GPR39: variants seen among roughly 807,000 people sequenced by gnomAD.
GPR39 encodes the protein G protein-coupled receptor 39.
In GPR39, 23 loss-of-function variants were observed where a neutral mutation model predicts 18.4. The ratio of observed to expected loss-of-function variants is 1.25; its 90% CI spans 0.90 to 1.77. The LOEUF is 1.77. Among genes scored for constraint, GPR39 ranks in the 40% most tolerant of loss-of-function variants. The probability of loss-of-function intolerance (pLI) is 0.00; values close to 1 mark genes in which losing one functional copy is unlikely to be tolerated. For missense variants in GPR39, 647 were observed against 602.4 expected (o/e 1.07, Z -0.78); for synonymous variants, 280 against 257.9 (o/e 1.09, Z -0.82).
chr2:132,434,420 G>A (rs1680275750), intron 1 of GPR39, among the ~76,000 whole-genome samples: 1 of 152,186 alleles, frequency 6.6e-6, no homozygotes, highest in South Asian at 2.1e-4. Context: ...TGTCCTTGAA[G>A]TCAGGAGGTA....
chr2:132,488,849 C>T (rs770407274), intron 1 of GPR39: 78 of 171,000 alleles, frequency 4.6e-4, no homozygotes, highest in Non-Finnish European at 1.0e-4. Context: ...GCTGTCAGCA[C>T]CTCCACTTCT....
At position 132,544,142 on chromosome 2, in the gene GPR39, A is replaced by T. The variant is rs962817723; in HGVS notation, c.857-100959A>T. Among the ~76,000 whole-genome samples, 4 of 152,178 alleles carry T rather than the reference A, an allele frequency of 2.6e-5. No homozygotes were observed. In the East Asian group the frequency reaches 5.8e-4, roughly 22 times the overall value. ...TAAAAACAACTCACAACTTGAGAACATATGTTAAGATGTCATCTTTTAGTT... is the reference window on the plus strand; with the variant it reads ...TAAAAACAACTCACAACTTGAGAACTTATGTTAAGATGTCATCTTTTAGTT... On this transcript the variant is annotated intron_variant, in intron 1 of 1. Transcript: ENST00000329321.
At chr2:132,418,307 C>G (rs904679907) in intron 1 of GPR39, among the ~76,000 whole-genome samples, 1 of 152,122 alleles carries the variant, frequency 6.6e-6, no homozygotes, top group Non-Finnish European at 1.5e-5. Context: ...TACAGGGAAC[C>G]GTCTTATCTA....
At chr2:132,567,893 C>T (rs566628231) in intron 1 of GPR39, among the ~76,000 whole-genome samples, 19 of 152,232 alleles carry the variant, frequency 1.2e-4, no homozygotes, top group African/African-American at 4.1e-4. Context: ...CCTACACAAG[C>T]GCTCTTCTCT....
chr2:132,498,015 T>A (rs542367390), intron 1 of GPR39, among the ~76,000 whole-genome samples: 8 of 152,354 alleles, frequency 5.3e-5, no homozygotes, highest in Admixed American at 2.6e-4. Context: ...TACACTTCAG[T>A]TATGACGACA....
intron 1 of GPR39, among the ~76,000 whole-genome samples, chr2:132,576,914 G>A (rs935280980): frequency 1.3e-5 from 2 of 151,974 alleles, no homozygotes; most frequent in Admixed American, 6.6e-5. Flanking sequence ...ATCAAAAATC[G>A]GTTGTGCATA....
chr2:132,572,716 G>T (rs568435448), intron 1 of GPR39, among the ~76,000 whole-genome samples: 2 of 152,074 alleles, frequency 1.3e-5, no homozygotes, highest in Non-Finnish European at 2.9e-5. Flanking sequence ...TCCCCCAAGT[G>T]GTAGCAACAA....
chr2:132,566,215 G>C (rs1680347402), intron 1 of GPR39, among the ~76,000 whole-genome samples: 1 of 147,472 alleles, frequency 6.8e-6, no homozygotes, highest in Non-Finnish European at 1.5e-5. Context: ...AGAAGTGTCT[G>C]TTCATGTCCT....
chr2:132,545,653 G>GGTGTGTGTGTGTGTGTGTGT lies in GPR39; in HGVS notation c.857-99447_857-99446insTGTGTGTGTGTGTGTGTGTG, dbSNP rs5834318. The stretch of plus-strand genomic sequence containing the variant: ...ATCTTATAATCCACGATGTGTGATG[G>GGTGTGTGTGTGTGTGTGTGT]GCGTGTGTGTGTGTGTGTGTGTGTG... On this transcript the variant is annotated intron_variant, in intron 1 of 1. Coordinates refer to ENST00000329321, the MANE Select transcript of GPR39 (RefSeq NM_001508.3). Among the ~76,000 whole-genome samples the GGTGTGTGTGTGTGTGTGTGT allele has an allele frequency of 8.4e-4, 113 of 134,788 alleles. 1 individual carries two copies. Among genetic ancestry groups the GGTGTGTGTGTGTGTGTGTGT allele is most frequent in the African/African-American group, 2.7e-3 (108 of 39,840 alleles). The allele number at this position is 134,788 out of a possible 152,430, so 88.4% of individuals were successfully genotyped here. A position where few individuals can be genotyped will look rare whatever the true frequency, so the allele number is the denominator to read the frequency against.
At chr2:132,613,992 C>T (rs1395463067) in intron 1 of GPR39, among the ~76,000 whole-genome samples, 2 of 152,094 alleles carry the variant, frequency 1.3e-5, no homozygotes, top group East Asian at 3.9e-4. Flanking sequence ...AACTGAGGTC[C>T]ATAGAGAATG....
In GPR39 at chr2:132,646,310, A is replaced by G. The variant is rs1682074054; in HGVS notation, c.*704A>G. On this transcript the variant is annotated 3_prime_UTR_variant, in exon 2 of 2. Transcript: ENST00000329321. ...AACACAGACCCAAAGGAGCTGAGTT[A>G]ACGTGCACCGGCAAAAGAATAGCTG... The G allele has an allele frequency of 7.2e-7, 1 of 1,393,440 alleles. No individual in the cohort carries two copies. Among genetic ancestry groups the G allele is most frequent in the Non-Finnish European group, 9.5e-7 (1 of 1,056,738 alleles). The allele number at this position is 1,393,440 out of a possible 1,614,324, so 86.3% of individuals were successfully genotyped here.
chr2:132,483,177 A>G (rs1365113103), intron 1 of GPR39, among the ~76,000 whole-genome samples: 1 of 152,242 alleles, frequency 6.6e-6, no homozygotes, highest in Non-Finnish European at 1.5e-5. Flanking sequence ...TGCTCAGAAC[A>G]GTACTAGACA....
chr2:132,428,455 G>T (rs909747930), intron 1 of GPR39, among the ~76,000 whole-genome samples: 1 of 152,184 alleles, frequency 6.6e-6, no homozygotes, highest in Non-Finnish European at 1.5e-5. Flanking sequence ...TATGAAGTAA[G>T]CTAGTTCTAG....
At chr2:132,585,735 C>G (rs1487150643) in intron 1 of GPR39, among the ~76,000 whole-genome samples, 1 of 151,756 alleles carries the variant, frequency 6.6e-6, no homozygotes, top group Non-Finnish European at 1.5e-5. Context: ...CTCGGAGGGC[C>G]GGACAGCCCG....
chr2:132,584,250 G>T (rs1357225682), intron 1 of GPR39, among the ~76,000 whole-genome samples: 7 of 152,170 alleles, frequency 4.6e-5, no homozygotes, highest in African/African-American at 1.2e-4. Flanking sequence ...GCTGCAATGA[G>T]TCCTGAGAAC....
chr2:132,532,694 C>T (rs11895432), intron 1 of GPR39, among the ~76,000 whole-genome samples: 26,327 of 152,008 alleles, frequency 0.17, 2,784 homozygotes, highest in African/African-American at 0.29. Flanking sequence ...TTTCAACATA[C>T]GAAAATCAAT....
chr2:132,572,118 C>T (rs182017129), intron 1 of GPR39, among the ~76,000 whole-genome samples: 8 of 152,318 alleles, frequency 5.3e-5, no homozygotes, highest in African/African-American at 1.9e-4. Flanking sequence ...GTGGATGCTA[C>T]TTACCTTGAG....
intron 1 of GPR39, among the ~76,000 whole-genome samples, chr2:132,575,116 T>C (rs976664602): frequency 6.6e-6 from 1 of 152,220 alleles, no homozygotes; most frequent in African/African-American, 2.4e-5. Context: ...TTGGAGTTCA[T>C]TTTATATCAG....
intron 1 of GPR39, among the ~76,000 whole-genome samples, chr2:132,576,087 A>G (rs1209978275): frequency 1.3e-5 from 2 of 152,102 alleles, no homozygotes; most frequent in African/African-American, 4.8e-5. Context: ...AAACCACCCA[A>G]CCGATGGCAT....
Sources: gnomAD v4.1 joint callset for allele counts (sites outside exome capture counted in the v4.1 genomes callset) on GRCh38, gnomAD v4.1.1 for gene constraint, MANE v1.5 for transcripts, NCBI Gene and HGNC (gene_info 2026-07-23, HGNC 2026-07-21) for gene names.